MMP16: variants seen among roughly 807,000 people sequenced by gnomAD.
The protein encoded by MMP16 is matrix metallopeptidase 16.
Under a neutral mutation model 67.8 loss-of-function variants are expected in MMP16, and 12 were observed. The ratio of observed to expected loss-of-function variants is 0.18; its 90% CI spans 0.11 to 0.29. The LOEUF (loss-of-function observed/expected upper bound fraction) is 0.29, where lower values mean the gene tolerates loss of function less well. MMP16 is among the 10% of genes least tolerant of loss of function. The pLI is 1.00. For missense variants in MMP16, 475 were observed against 765.7 expected (o/e 0.62, Z 4.48); for synonymous variants, 249 against 255.9 (o/e 0.97, Z 0.26).
chr8:88,273,546 A>C (rs928607759), intron 1 of MMP16, among the ~76,000 whole-genome samples: 1 of 152,184 alleles, frequency 6.6e-6, no homozygotes, highest in Non-Finnish European at 1.5e-5. Context: ...GCTACAAATT[A>C]AATTGAGTAA....
chr8:88,198,205 T>C (rs548038381), intron 1 of MMP16, among the ~76,000 whole-genome samples: 3 of 152,270 alleles, frequency 2.0e-5, no homozygotes, highest in South Asian at 4.1e-4. Context: ...AGCAGATGCT[T>C]TCCAGTTTTA....
chr8:88,172,814 T>C (rs781138376), intron 3 of MMP16, among the ~76,000 whole-genome samples: 10 of 152,198 alleles, frequency 6.6e-5, no homozygotes, highest in Non-Finnish European at 1.5e-4. Flanking sequence ...AATTTTAATC[T>C]AAAAATTGTT....
At chr8:88,153,594 T>C (rs1367943029) in intron 4 of MMP16, among the ~76,000 whole-genome samples, 1 of 151,554 alleles carries the variant, frequency 6.6e-6, no homozygotes, top group African/African-American at 2.4e-5. Flanking sequence ...TTGACAAACC[T>C]GAGAAAAACA....
chr8:88,313,551 T>C (rs1414029965), intron 1 of MMP16, among the ~76,000 whole-genome samples: 3 of 152,218 alleles, frequency 2.0e-5, no homozygotes, highest in African/African-American at 4.8e-5. Flanking sequence ...TTCTTCTTTT[T>C]TCTTTGTGCT....
chr8:88,112,906 C>A (rs865919764), intron 6 of MMP16, among the ~76,000 whole-genome samples: 1 of 151,702 alleles, frequency 6.6e-6, no homozygotes, highest in East Asian at 1.9e-4. Context: ...TTGCTTACAT[C>A]TAGATTTTTT....
chr8:88,228,859 T>C (rs1215483343), intron 1 of MMP16, among the ~76,000 whole-genome samples: 1 of 151,940 alleles, frequency 6.6e-6, no homozygotes, highest in Non-Finnish European at 1.5e-5. Context: ...AGTACAAAAA[T>C]CTTTATTAAA....
chr8:88,214,570 T>C (rs562976800), intron 1 of MMP16, among the ~76,000 whole-genome samples: 3 of 152,308 alleles, frequency 2.0e-5, no homozygotes, highest in South Asian at 2.1e-4. Flanking sequence ...AGTAAGTATA[T>C]ATATGGAATG....
At chr8:88,158,900 C>T (rs1306815378) in intron 4 of MMP16, among the ~76,000 whole-genome samples, 1 of 152,272 alleles carries the variant, frequency 6.6e-6, no homozygotes, top group East Asian at 1.9e-4. Flanking sequence ...CCAGTTTTCC[C>T]AGCACCATTT....
intron 1 of MMP16, among the ~76,000 whole-genome samples, chr8:88,320,166 AT>A (rs1420674448): frequency 1.3e-5 from 2 of 152,130 alleles, no homozygotes; most frequent in Non-Finnish European, 2.9e-5. Flanking sequence ...TTTTTTACAT[AT>A]TTTTAAAAGG....
chr8:88,286,400 C>A (rs1306397867), intron 1 of MMP16, among the ~76,000 whole-genome samples: 1 of 152,090 alleles, frequency 6.6e-6, no homozygotes, highest in African/African-American at 2.4e-5. Flanking sequence ...CAACCAAAAC[C>A]TTTCCATTGA....
intron 1 of MMP16, among the ~76,000 whole-genome samples, chr8:88,216,695 A>G (rs1370946407): frequency 6.6e-6 from 1 of 152,118 alleles, no homozygotes; most frequent in Admixed American, 6.6e-5. Context: ...TCTCATAATT[A>G]TATTTTGTTA....
intron 4 of MMP16, among the ~76,000 whole-genome samples, chr8:88,149,624 A>G (rs1808365419): frequency 6.6e-6 from 1 of 151,588 alleles, no homozygotes; most frequent in South Asian, 2.1e-4. Context: ...ACGGCAGGGT[A>G]TTCCAACAGA....
intron 4 of MMP16, among the ~76,000 whole-genome samples, chr8:88,161,852 C>G (rs1478460184): frequency 6.6e-6 from 1 of 151,966 alleles, no homozygotes; most frequent in African/African-American, 2.4e-5. Context: ...AGTTTCCAGG[C>G]AGTTGAGTGG....
intron 4 of MMP16, among the ~76,000 whole-genome samples, chr8:88,145,630 T>C (rs114557612): frequency 0.011 from 1,623 of 152,102 alleles, 24 homozygotes; most frequent in African/African-American, 0.037. Flanking sequence ...TTTTATTCCC[T>C]TGTTGAAAAG....
At chr8:88,162,527 C>T (rs538757868) in intron 4 of MMP16, among the ~76,000 whole-genome samples, 1 of 152,032 alleles carries the variant, frequency 6.6e-6, no homozygotes, top group Non-Finnish European at 1.5e-5. Flanking sequence ...CTGTCCATAT[C>T]AAGTCCTTCC....
At chr8:88,208,644 A>G (rs185089247) in intron 1 of MMP16, among the ~76,000 whole-genome samples, 1 of 152,296 alleles carries the variant, frequency 6.6e-6, no homozygotes, top group African/African-American at 2.4e-5. Flanking sequence ...GAAAATCATG[A>G]GAGTCTAGAA....
Position 88,217,022 on chromosome 8 carries a change from T to C in MMP16, c.133-19716A>G, listed in dbSNP as rs552544603. On this transcript the variant is annotated intron_variant, in intron 1 of 9. Transcript: ENST00000286614. Reference sequence around the variant, plus strand: ...TAATATGTAACTATCATTACTTATTTTGATGCTTATCTGTCTCTGACTCAA... The same window carrying C: ...TAATATGTAACTATCATTACTTATTCTGATGCTTATCTGTCTCTGACTCAA... Among the ~76,000 whole-genome samples, 46 of 152,240 alleles carry C rather than the reference T, an allele frequency of 3.0e-4. No homozygotes were observed. In the South Asian group the frequency reaches 5.4e-3, roughly 18 times the overall value.
intron 8 of MMP16, among the ~76,000 whole-genome samples, chr8:88,052,288 G>T (rs1479077834): frequency 6.6e-6 from 1 of 152,084 alleles, no homozygotes; most frequent in Non-Finnish European, 1.5e-5. Context: ...CTCCAGATAA[G>T]GTGCTATCTG....
At chr8:88,228,130 C>T (rs1446830257) in intron 1 of MMP16, among the ~76,000 whole-genome samples, 2 of 152,010 alleles carry the variant, frequency 1.3e-5, no homozygotes, top group East Asian at 1.9e-4. Context: ...ATCGTCAATG[C>T]TAAAAAGGGA....
Sources: allele counts gnomAD v4.1 joint callset (sites outside exome capture counted in the v4.1 genomes callset), GRCh38; gene constraint gnomAD v4.1.1; transcripts MANE v1.5; gene names NCBI Gene and HGNC (gene_info 2026-07-23, HGNC 2026-07-21).